CCDC150: variants seen among roughly 807,000 people sequenced by gnomAD.
The protein encoded by CCDC150 is coiled-coil domain-containing protein 150.
In CCDC150, 151 loss-of-function variants were observed where a neutral mutation model predicts 156.5. That is an observed-to-expected ratio of 0.97 (90% confidence interval 0.85 to 1.10). CCDC150 has a LOEUF of 1.10. CCDC150 is among the 50% of genes least tolerant of loss of function. The pLI is 0.00. For missense variants in CCDC150, 1,312 were observed against 1,268.1 expected, an observed-to-expected ratio of 1.03 and a Z score of -0.53; for synonymous variants, 452 against 429.4, an observed-to-expected ratio of 1.05 and a Z score of -0.65.
At chr2:196,697,397 A>G (rs1477252193) in intron 14 of CCDC150, among the ~76,000 whole-genome samples, 5 of 152,100 alleles carry the variant, frequency 3.3e-5, no homozygotes, top group African/African-American at 1.2e-4. Flanking sequence ...CCACAGTGAG[A>G]AAAGATCCAA....
chr2:196,720,865 A>G (rs1375386586), intron 20 of CCDC150, among the ~76,000 whole-genome samples, 197 bp downstream of exon 20: 4 of 152,192 alleles, frequency 2.6e-5, no homozygotes, highest in African/African-American at 9.6e-5. Context: ...CCAGTACCAC[A>G]ATAATGACTA....
At position 196,729,780 on chromosome 2, in the gene CCDC150, C is replaced by A; in HGVS notation, c.2752-13C>A. 5 of 1,510,158 alleles carry A rather than the reference C, an allele frequency of 3.3e-6. No homozygotes were observed. Among genetic ancestry groups the A allele is most frequent in the Non-Finnish European group, 4.5e-6 (5 of 1,103,088 alleles). The allele number at this position is 1,510,158 out of a possible 1,614,324, so 93.5% of individuals were successfully genotyped here. ...CTGATCATCTTTTTATGTTATTTTC[C>A]AATTACTTTTAGCAAATAGAAAAAG... On this transcript the variant is annotated splice_polypyrimidine_tract_variant and intron_variant, in intron 23 of 27. Coordinates refer to ENST00000389175, the MANE Select transcript of CCDC150 (RefSeq NM_001080539.2).
chr2:196,639,743 C>T lies in CCDC150; in HGVS notation c.-24C>T. On this transcript the variant is annotated 5_prime_UTR_variant, in exon 1 of 28. Transcript: ENST00000389175. ...TCCACGGAAACCCGCTCGCCTGCTG[C>T]AGTACGGAGCCTCAGGCGGACAGAT... 6.4e-7 allele frequency: 1 copy of T among 1,556,900 alleles called. No homozygotes were observed. The highest frequency in any genetic ancestry group is 2.4e-5 in the East Asian group (1 of 42,290).
chr2:196,639,807 G>C (rs1442805891), intron 1 of CCDC150, 29 bp downstream of exon 1: 1 of 1,571,826 alleles, frequency 6.4e-7, no homozygotes, highest in Non-Finnish European at 8.7e-7. Flanking sequence ...GGGCTGGTGA[G>C]GGGTGGTCGG....
chr2:196,675,094 C>T (rs1694416760), intron 10 of CCDC150, among the ~76,000 whole-genome samples: 1 of 152,100 alleles, frequency 6.6e-6, no homozygotes, highest in African/African-American at 2.4e-5. Context: ...CATTATGCTG[C>T]ATCCCTATTC....
chr2:196,729,126 A>G lies in CCDC150; in HGVS notation c.2557-67A>G, dbSNP rs6745245. On this transcript the variant is annotated intron_variant, in intron 22 of 27. Coordinates refer to ENST00000389175, the MANE Select transcript of CCDC150 (RefSeq NM_001080539.2). ...GATCCAAAGATGATAAAATATAAGG[A>G]CAAAACTAAGTAAGCTTCTCTTAAT... 9.0e-3 allele frequency: 12,274 copies of G among 1,364,108 alleles called. 55 individuals carry two copies. Among genetic ancestry groups the G allele is most frequent in the Admixed American group, 0.015 (560 of 37,942 alleles). 84.5% of individuals were successfully genotyped at this position (1,364,108 alleles called of 1,614,324 possible). A position where few individuals can be genotyped will look rare whatever the true frequency, so the allele number is the denominator to read the frequency against.
chr2:196,664,547 T>G (rs1229138559), intron 5 of CCDC150, among the ~76,000 whole-genome samples: 2 of 152,226 alleles, frequency 1.3e-5, no homozygotes, highest in East Asian at 3.8e-4. Flanking sequence ...AGCACCTCCA[T>G]GTGTTCAGCT....
intron 5 of CCDC150, among the ~76,000 whole-genome samples, chr2:196,659,160 G>A (rs1383661000): frequency 6.6e-6 from 1 of 152,130 alleles, no homozygotes; most frequent in Non-Finnish European, 1.5e-5. Flanking sequence ...ACACTTTCTT[G>A]CAAAGTCCTT....
At position 196,676,129 on chromosome 2, in the gene CCDC150, C is replaced by T. The variant is rs772414522; in HGVS notation, c.1138-14C>T. On this transcript the variant is annotated splice_polypyrimidine_tract_variant and intron_variant, in intron 10 of 27. Coordinates refer to ENST00000389175, the MANE Select transcript of CCDC150 (RefSeq NM_001080539.2). ...TGTGGAGCTTCAACTTCTAATATTG[C>T]TTTTAACACTCAGGTAGAGCAGAAA... 6.2e-7 allele frequency: 1 copy of T among 1,612,774 alleles called. No individual in the cohort carries two copies. The highest frequency in any genetic ancestry group is 8.5e-7 in the Non-Finnish European group (1 of 1,179,198).
chr2:196,656,589 G>T (rs1693200515), intron 2 of CCDC150, 44 bp from the exon 3 acceptor site: 2 of 1,350,322 alleles, frequency 1.5e-6, no homozygotes, highest in Middle Eastern at 1.8e-4. Flanking sequence ...TACCATAGTA[G>T]AAATTGCATT....
chr2:196,654,108 T>G (rs1434346479), intron 2 of CCDC150, among the ~76,000 whole-genome samples: 1 of 152,136 alleles, frequency 6.6e-6, no homozygotes, highest in Non-Finnish European at 1.5e-5. Context: ...AGCTGCCCCA[T>G]GACCCAAACA....
At chr2:196,675,548 G>A (rs973897174) in intron 10 of CCDC150, among the ~76,000 whole-genome samples, 12 of 151,942 alleles carry the variant, frequency 7.9e-5, no homozygotes, top group Admixed American at 2.0e-4. Flanking sequence ...AGGGGTATAT[G>A]GTACATAAAA....
At chr2:196,713,314 C>A in intron 17 of CCDC150, 1 of 1,429,746 alleles carries the variant, frequency 7.0e-7, no homozygotes, top group Non-Finnish European at 9.2e-7. Flanking sequence ...TGAAAAATAA[C>A]TCTAGGTTTA....
intron 10 of CCDC150, among the ~76,000 whole-genome samples, chr2:196,674,941 A>G (rs1358312520): frequency 6.6e-6 from 1 of 152,182 alleles, no homozygotes; most frequent in African/African-American, 2.4e-5. Context: ...TGTAGCAGCC[A>G]TTATGTAAAA....
At chr2:196,711,919 G>C (rs1366837384) in intron 15 of CCDC150, among the ~76,000 whole-genome samples, 1 of 151,706 alleles carries the variant, frequency 6.6e-6, no homozygotes, top group African/African-American at 2.4e-5. Flanking sequence ...AACCAAATGA[G>C]TTATCTCAGT....
At chr2:196,641,677 C>T (rs1336376227) in intron 1 of CCDC150, among the ~76,000 whole-genome samples, 1 of 152,162 alleles carries the variant, frequency 6.6e-6, no homozygotes, top group Non-Finnish European at 1.5e-5. Flanking sequence ...TACCCAACCC[C>T]TGCCCCCCGC....
chr2:196,657,073 AGAC>A lies in CCDC150; in HGVS notation c.514_516del (p.Asp172del). 1 of 1,613,886 alleles carries A rather than the reference AGAC, an allele frequency of 6.2e-7. No individual in the cohort carries two copies. The highest frequency in any genetic ancestry group is 8.5e-7 in the Non-Finnish European group (1 of 1,179,782). On this transcript the variant is annotated inframe_deletion, in exon 4 of 28. Transcript: ENST00000389175. ...AACTGAGAGCTGTAAAAGAGGAAGA[AGAC>A]AAGGCACAAGATGAGGTGCAAAGGT...
At position 196,729,405 on chromosome 2, in the gene CCDC150, T is replaced by A; in HGVS notation, c.2751+18T>A. 6.2e-7 allele frequency: 1 copy of A among 1,610,944 alleles called. No homozygotes were observed. Among genetic ancestry groups the A allele is most frequent in the Non-Finnish European group, 8.5e-7 (1 of 1,177,396 alleles). On this transcript the variant is annotated intron_variant, in intron 23 of 27. Coordinates refer to ENST00000389175, the MANE Select transcript of CCDC150 (RefSeq NM_001080539.2). The stretch of plus-strand genomic sequence containing the variant: ...GGATGAAGGTTGTATGGGAAACCTC[T>A]TCTCACTTCCTGGATACCCTGTGAG...
chr2:196,721,088 A>T (rs1697854597), intron 20 of CCDC150, among the ~76,000 whole-genome samples: 1 of 152,018 alleles, frequency 6.6e-6, no homozygotes, highest in Non-Finnish European at 1.5e-5. Flanking sequence ...TATATAAAAT[A>T]CACATGAATA....
Sources: allele counts gnomAD v4.1 joint callset (sites outside exome capture counted in the v4.1 genomes callset), GRCh38; gene constraint gnomAD v4.1.1; transcripts MANE v1.5; gene names NCBI Gene and HGNC (gene_info 2026-07-23, HGNC 2026-07-21).